The following WDPCP variants were observed in gnomAD, a reference collection of about 807,000 sequenced individuals.
WDPCP encodes WD repeat-containing and planar cell polarity effector protein fritz homolog.
Under a neutral mutation model 93.1 loss-of-function variants are expected in WDPCP, and 71 were observed. The ratio of observed to expected loss-of-function variants is 0.76; its 90% confidence interval spans 0.63 to 0.93. The LOEUF is 0.93. Among genes scored for constraint, WDPCP ranks in the 40% least tolerant of loss-of-function variants. The pLI is 0.00. For missense variants in WDPCP, 844 were observed against 887.4 expected, an observed-to-expected ratio of 0.95 and a Z score of 0.62; for synonymous variants, 315 against 315.0, an observed-to-expected ratio of 1.00 and a Z score of 0.00.
At chr2:63,473,427 T>G (rs1382041814) in intron 6 of WDPCP, among the ~76,000 whole-genome samples, 1 of 152,164 alleles carries the variant, frequency 6.6e-6, no homozygotes. Flanking sequence ...CTCCCAAAAA[T>G]TATTCCATCT....
At chr2:63,821,266 G>A (rs1671013999) in intron 1 of WDPCP, among the ~76,000 whole-genome samples, 1 of 152,196 alleles carries the variant, frequency 6.6e-6, no homozygotes, top group Admixed American at 6.5e-5. Context: ...GTGTCATTAA[G>A]AAGGTGAACT....
chr2:63,840,664 G>C, the WDPCP span, among the ~76,000 whole-genome samples: 1 of 152,234 alleles, frequency 6.6e-6, no homozygotes, highest in African/African-American at 2.4e-5. Flanking sequence ...TCTATCCGCA[G>C]GGCTTTCTTT....
At chr2:63,422,127 T>C (rs1028381853) in intron 9 of WDPCP, among the ~76,000 whole-genome samples, 3 of 152,146 alleles carry the variant, frequency 2.0e-5, no homozygotes, top group Non-Finnish European at 4.4e-5. Flanking sequence ...TAAAATACCA[T>C]TTTCCATTAA....
intron 13 of WDPCP, among the ~76,000 whole-genome samples, chr2:63,263,816 G>A (rs1423508547): frequency 2.0e-5 from 3 of 152,178 alleles, no homozygotes; most frequent in South Asian, 2.1e-4. Context: ...TAAATATACT[G>A]AAGAAATTGC....
At chr2:63,809,151 A>G (rs1205160464) in intron 2 of WDPCP, among the ~76,000 whole-genome samples, 4 of 140,654 alleles carry the variant, frequency 2.8e-5, no homozygotes, top group Non-Finnish European at 6.2e-5. Context: ...CCCGGCAGCC[A>G]CCCCGTCTGG....
At chr2:63,722,647 G>A (rs1393892783) in intron 2 of WDPCP, among the ~76,000 whole-genome samples, 3 of 72,670 alleles carry the variant, frequency 4.1e-5, no homozygotes, top group East Asian at 2.3e-4. Context: ...CGCCCCGTCC[G>A]GGAGGGAGGT....
chr2:63,666,605 G>A (rs1255576776), intron 2 of WDPCP, among the ~76,000 whole-genome samples: 1 of 152,216 alleles, frequency 6.6e-6, no homozygotes, highest in Non-Finnish European at 1.5e-5. Flanking sequence ...GTTTAGTCCT[G>A]TGTGCTAATG....
chr2:63,700,782 T>C (rs1218301615), intron 2 of WDPCP, among the ~76,000 whole-genome samples: 1 of 152,152 alleles, frequency 6.6e-6, no homozygotes, highest in Non-Finnish European at 1.5e-5. Context: ...GAACAGGCTC[T>C]TCAATAAAAG....
intron 9 of WDPCP, among the ~76,000 whole-genome samples, chr2:63,408,782 C>T (rs1259460756): frequency 3.9e-5 from 6 of 152,032 alleles, no homozygotes; most frequent in Admixed American, 6.6e-5. Context: ...CGGCTCTCCC[C>T]GACTTCCCTG....
intron 16 of WDPCP, among the ~76,000 whole-genome samples, 175 bp downstream of exon 16, chr2:63,153,320 T>C (rs2103823538): frequency 6.6e-6 from 1 of 152,270 alleles, no homozygotes; most frequent in African/African-American, 2.4e-5. Context: ...TCATTGAAAT[T>C]TCACCTTTGT....
At chr2:63,372,739 G>GT (rs1381273991) in intron 12 of WDPCP, among the ~76,000 whole-genome samples, 1 of 152,096 alleles carries the variant, frequency 6.6e-6, no homozygotes, top group Non-Finnish European at 1.5e-5. Flanking sequence ...ATTTAGAATT[G>GT]TTTTATCTTC....
At chr2:63,564,472 G>C (rs1159260217) in intron 1 of WDPCP, 1 of 152,084 alleles carries the variant, frequency 6.6e-6, no homozygotes, top group Non-Finnish European at 1.5e-5. Context: ...CAGTTTCCTT[G>C]AAGTTTTCAT....
chr2:63,603,375 A>G (rs1348884644), intron 3 of WDPCP, among the ~76,000 whole-genome samples: 2 of 152,182 alleles, frequency 1.3e-5, no homozygotes, highest in Non-Finnish European at 2.9e-5. Flanking sequence ...TAAATACTCA[A>G]ATGCTTTATT....
At chr2:63,632,020 G>A (rs896240418) in intron 3 of WDPCP, among the ~76,000 whole-genome samples, 7 of 152,298 alleles carry the variant, frequency 4.6e-5, no homozygotes, top group Non-Finnish European at 7.4e-5. Flanking sequence ...CCCCACAAAA[G>A]GATAGGCTGT....
intron 2 of WDPCP, among the ~76,000 whole-genome samples, chr2:63,672,896 G>A (rs539701743): frequency 4.2e-4 from 64 of 152,002 alleles, no homozygotes; most frequent in African/African-American, 1.3e-3. Flanking sequence ...GGCATGTGCC[G>A]CCATGCCAGG....
At chr2:63,556,176 C>T (rs1234330237) in intron 1 of WDPCP, among the ~76,000 whole-genome samples, 4 of 152,072 alleles carry the variant, frequency 2.6e-5, no homozygotes, top group Non-Finnish European at 5.9e-5. Flanking sequence ...AGCTGAAAAA[C>T]GTAACATGAG....
chr2:63,446,843 C>A (rs1261153682), intron 6 of WDPCP, among the ~76,000 whole-genome samples: 1 of 152,210 alleles, frequency 6.6e-6, no homozygotes, highest in African/African-American at 2.4e-5. Flanking sequence ...TCTCTGCTCA[C>A]CAATCAGCCT....
rs552902874 is a variant in WDPCP at position 63,174,571 on chromosome 2, T to A, written c.2078+99A>T. ...CCATGAGAAATGCAAATTTTTCTCC[T>A]TGACATTTTGAAATATTCTTGCTTT... On this transcript the variant is annotated intron_variant, in intron 15 of 17. Coordinates refer to ENST00000272321, the MANE Select transcript of WDPCP (RefSeq NM_015910.7). The A allele has an allele frequency of 3.8e-4, 588 of 1,538,112 alleles. 9 individuals carry two copies. The South Asian group carries it at 6.4e-3, about 17-fold the overall frequency.
At chr2:63,124,580 T>A (rs1380021852) in intron 17 of WDPCP, among the ~76,000 whole-genome samples, 1 of 152,202 alleles carries the variant, frequency 6.6e-6, no homozygotes, top group Non-Finnish European at 1.5e-5. Context: ...TGTGGCTCAC[T>A]TAATGCAGAT....
Sources: gnomAD v4.1 joint callset for allele counts (sites outside exome capture counted in the v4.1 genomes callset) on GRCh38, gnomAD v4.1.1 for gene constraint, MANE v1.5 for transcripts, NCBI Gene and HGNC (gene_info 2026-07-23, HGNC 2026-07-21) for gene names.